FHIT: variants seen among roughly 807,000 people sequenced by gnomAD.
The protein encoded by FHIT is bis(5'-adenosyl)-triphosphatase.
A neutral mutation model predicts 17.9 loss-of-function variants in FHIT; 19 were observed. The observed-to-expected ratio is 1.06, with a 90% confidence interval of 0.74 to 1.56. FHIT has a LOEUF of 1.56. FHIT is among the 40% of genes most tolerant of loss of function. The pLI is 0.00. For missense variants in FHIT, 248 were observed against 189.2 expected (o/e 1.31, Z -1.82); for synonymous variants, 81 against 69.7 (o/e 1.16, Z -0.81).
intron 7 of FHIT, among the ~76,000 whole-genome samples, chr3:59,952,123 T>G (rs574396440): frequency 4.6e-5 from 7 of 152,204 alleles, no homozygotes; most frequent in Non-Finnish European, 1.0e-4. Context: ...CTATATCCAG[T>G]CAATTTCACT....
chr3:59,887,575 C>G (rs1703681223), intron 8 of FHIT, among the ~76,000 whole-genome samples: 1 of 152,150 alleles, frequency 6.6e-6, no homozygotes, highest in African/African-American at 2.4e-5. Context: ...ACTTGAAGCT[C>G]CAGATTGCTC....
At chr3:61,164,430 G>A (rs770702569) in intron 2 of FHIT, among the ~76,000 whole-genome samples, 4 of 152,144 alleles carry the variant, frequency 2.6e-5, no homozygotes, top group Non-Finnish European at 4.4e-5. Flanking sequence ...ATCAACAATC[G>A]CTTCAGGTGA....
chr3:60,205,091 C>T (rs958610231), intron 5 of FHIT, among the ~76,000 whole-genome samples: 21 of 144,430 alleles, frequency 1.5e-4, no homozygotes, highest in Non-Finnish European at 2.3e-4. Context: ...GAGACCCTGC[C>T]TCAAAAAAAA....
chr3:60,202,420 C>T (rs888420489), intron 5 of FHIT, among the ~76,000 whole-genome samples: 30 of 152,164 alleles, frequency 2.0e-4, no homozygotes, highest in Non-Finnish European at 2.2e-4. Flanking sequence ...TAAGACAATT[C>T]ATAAAGAGAA....
chr3:60,626,956 T>G (rs2039305813), intron 4 of FHIT, among the ~76,000 whole-genome samples: 1 of 152,124 alleles, frequency 6.6e-6, no homozygotes. Flanking sequence ...TATAATCATG[T>G]TGCTTTTATC....
chr3:60,379,265 G>A (rs1487365363), intron 5 of FHIT, among the ~76,000 whole-genome samples: 1 of 151,918 alleles, frequency 6.6e-6, no homozygotes, highest in African/African-American at 2.4e-5. Context: ...TCCAAAAAGA[G>A]AAGCATTCTT....
At chr3:60,188,809 T>C (rs994487118) in intron 5 of FHIT, among the ~76,000 whole-genome samples, 1 of 152,158 alleles carries the variant, frequency 6.6e-6, no homozygotes, top group Non-Finnish European at 1.5e-5. Flanking sequence ...GTAAGCCACC[T>C]TGTATTCTTA....
intron 4 of FHIT, among the ~76,000 whole-genome samples, chr3:60,607,769 T>G (rs1270862592): frequency 6.6e-6 from 1 of 152,160 alleles, no homozygotes; most frequent in Non-Finnish European, 1.5e-5. Context: ...TACATACATA[T>G]ACATATATAC....
At chr3:60,445,179 A>G (rs1455658183) in intron 5 of FHIT, among the ~76,000 whole-genome samples, 2 of 152,068 alleles carry the variant, frequency 1.3e-5, no homozygotes, top group Admixed American at 1.3e-4. Context: ...CCCCGGCCCT[A>G]TCTCCAGAGA....
At chr3:59,751,168 G>C (rs1014966182) in intron 9 of FHIT, 1 of 179,628 alleles carries the variant, frequency 5.6e-6, no homozygotes, top group Non-Finnish European at 1.2e-5. Flanking sequence ...TTTTAGTCTA[G>C]ATATATGCCA....
At chr3:60,080,082 T>C (rs1271183599) in intron 5 of FHIT, among the ~76,000 whole-genome samples, 1 of 152,172 alleles carries the variant, frequency 6.6e-6, no homozygotes, top group Non-Finnish European at 1.5e-5. Flanking sequence ...ATCTTTTCTA[T>C]TTCCGTGTAA....
chr3:60,470,861 T>C (rs2033055263), intron 5 of FHIT, among the ~76,000 whole-genome samples: 1 of 152,202 alleles, frequency 6.6e-6, no homozygotes, highest in Admixed American at 6.5e-5. Context: ...ACTCAAGGCC[T>C]GCAGCAAGTA....
chr3:60,303,698 C>A (rs1030929523), intron 5 of FHIT, among the ~76,000 whole-genome samples: 5 of 152,252 alleles, frequency 3.3e-5, no homozygotes, highest in Non-Finnish European at 7.4e-5. Flanking sequence ...TCGTGCTGAG[C>A]CACCCCTTGG....
At chr3:60,044,202 C>T (rs13088111) in intron 5 of FHIT, among the ~76,000 whole-genome samples, 64,046 of 151,966 alleles carry the variant, frequency 0.42, 14,349 homozygotes, top group Middle Eastern at 0.71. Context: ...TTGCTGAATA[C>T]AGTAGAAAGA....
intron 5 of FHIT, among the ~76,000 whole-genome samples, chr3:60,430,257 T>G (rs976524194): frequency 1.3e-5 from 2 of 152,038 alleles, no homozygotes; most frequent in Non-Finnish European, 2.9e-5. Context: ...AAAAGTGATT[T>G]TTTCACTAAG....
intron 3 of FHIT, among the ~76,000 whole-genome samples, chr3:60,944,831 T>C (rs1265940515): frequency 6.6e-6 from 1 of 152,198 alleles, no homozygotes; most frequent in African/African-American, 2.4e-5. Context: ...GTCTTTGCCA[T>C]AGTAGTCAGC....
intron 5 of FHIT, among the ~76,000 whole-genome samples, chr3:60,379,403 A>G (rs1295121918): frequency 7.4e-6 from 1 of 134,950 alleles, no homozygotes; most frequent in Non-Finnish European, 1.5e-5. Flanking sequence ...CCTAATACTT[A>G]GATACTTAAT....
intron 2 of FHIT, among the ~76,000 whole-genome samples, chr3:61,060,843 C>A (rs897148522): frequency 1.3e-5 from 2 of 152,200 alleles, no homozygotes; most frequent in Admixed American, 1.3e-4. Context: ...TCTAAGCAAC[C>A]ACAGAGCATG....
intron 8 of FHIT, among the ~76,000 whole-genome samples, chr3:59,767,589 T>C (rs988859380): frequency 6.6e-6 from 1 of 152,122 alleles, no homozygotes; most frequent in East Asian, 1.9e-4. Context: ...AGTGGAAACA[T>C]CAAAGGACTG....
Sources: allele counts gnomAD v4.1 joint callset (sites outside exome capture counted in the v4.1 genomes callset), GRCh38; gene constraint gnomAD v4.1.1; transcripts MANE v1.5; gene names NCBI Gene and HGNC (gene_info 2026-07-23, HGNC 2026-07-21).